Variants in TENT4B observed in about 807,000 individuals in gnomAD.
TENT4B encodes PAP associated domain containing 5.
A neutral mutation model predicts 75.0 loss-of-function variants in TENT4B; 10 were observed. The observed-to-expected ratio is 0.13, with a 90% CI of 0.08 to 0.23. TENT4B has a LOEUF of 0.23. Among genes scored for constraint, TENT4B ranks in the 10% least tolerant of loss-of-function variants. TENT4B has a pLI of 1.00. For missense variants in TENT4B, 579 were observed against 893.8 expected (o/e 0.65, Z 4.49); for synonymous variants, 350 against 357.7 (o/e 0.98, Z 0.24).
intron 1 of TENT4B, among the ~76,000 whole-genome samples, chr16:50,156,886 C>T (rs1045783910): frequency 1.8e-4 from 28 of 151,798 alleles, no homozygotes; most frequent in African/African-American, 5.8e-4. Context: ...GGTCTTCAAC[C>T]GGCCTCAAGC....
chr16:50,167,886 G>T (rs1260688547), intron 1 of TENT4B, among the ~76,000 whole-genome samples: 3 of 151,954 alleles, frequency 2.0e-5, no homozygotes, highest in African/African-American at 7.2e-5. Context: ...TGAACTCCTG[G>T]GCTCAAGCAA....
At chr16:50,158,082 TATGA>T (rs1293462250) in intron 1 of TENT4B, among the ~76,000 whole-genome samples, 1 of 148,430 alleles carries the variant, frequency 6.7e-6, no homozygotes, top group Non-Finnish European at 1.5e-5. Context: ...TTTATTTAAT[TATGA>T]ATGAATGAAT....
chr16:50,234,300 G>A lies in TENT4B; in HGVS notation c.*4972G>A. ...CAAACAAAAACCTGAATGGTGAGGTGTGGTGGAATTGGGTAGGGGAGGGAA... is the reference window on the plus strand; with the variant it reads ...CAAACAAAAACCTGAATGGTGAGGTATGGTGGAATTGGGTAGGGGAGGGAA... On this transcript the variant is annotated 3_prime_UTR_variant, in exon 12 of 12. Transcript: ENST00000561678. 1.0e-6 allele frequency: 1 copy of A among 985,394 alleles called. No individual in the cohort carries two copies. The highest frequency in any genetic ancestry group is 1.2e-6 in the Non-Finnish European group (1 of 829,954). The allele number at this position is 985,394 out of a possible 1,614,324, so 61.0% of individuals were successfully genotyped here.
At chr16:50,193,811 G>A (rs2030020155) in intron 1 of TENT4B, among the ~76,000 whole-genome samples, 1 of 152,162 alleles carries the variant, frequency 6.6e-6, no homozygotes, top group South Asian at 2.1e-4. Context: ...TCACTGTTTT[G>A]GCAGACCTGT....
chr16:50,229,606 C>T lies in TENT4B; in HGVS notation c.*278C>T, dbSNP rs1204215946. 8.8e-7 allele frequency: 1 copy of T among 1,132,310 alleles called. No homozygotes were observed. Among genetic ancestry groups the T allele is most frequent in the Non-Finnish European group, 1.1e-6 (1 of 926,642 alleles). 70.1% of individuals were successfully genotyped at this position (1,132,310 alleles called of 1,614,324 possible). A position where few individuals can be genotyped will look rare whatever the true frequency, so the allele number is the denominator to read the frequency against. The stretch of plus-strand genomic sequence containing the variant: ...AACAGGGTCATTTTAAGATTTAAAG[C>T]TTGAATGTAAAATAAATATATTTCT... On this transcript the variant is annotated 3_prime_UTR_variant, in exon 12 of 12. Transcript: ENST00000561678.
chr16:50,182,781 T>G (rs1596681445), intron 1 of TENT4B, among the ~76,000 whole-genome samples: 2 of 151,076 alleles, frequency 1.3e-5, no homozygotes, highest in Middle Eastern at 6.8e-3. Context: ...TTCCTCAAAA[T>G]AAGATTGCTG....
chr16:50,154,058 C>T lies in TENT4B; in HGVS notation c.437C>T (p.Pro146Leu), dbSNP rs1286226127. 6.5e-7 allele frequency: 1 copy of T among 1,531,368 alleles called. No homozygotes were observed. Among genetic ancestry groups the T allele is most frequent in the Admixed American group, 2.0e-5 (1 of 50,230 alleles). 94.9% of individuals were successfully genotyped at this position (1,531,368 alleles called of 1,614,324 possible). ...TCCCCGCACCCTTCGGCCGCCGTCC[C>T]CGCCGCCGATCCAGCCGATTCGGCC... ...SSSPHPSAAV[P>L]AADPADSASG... Residue 146 changes from proline to leucine, a missense_variant, in exon 1 of 12, where the codon CCC becomes CTC. Coordinates refer to ENST00000561678, the MANE Select transcript of TENT4B (RefSeq NM_001365324.3).
At chr16:50,153,151 G>GA (rs2037794514), upstream of TENT4B, 2 of 540,234 alleles carry the variant, frequency 3.7e-6, no homozygotes, top group African/African-American at 4.5e-5. Context: ...GCGGCGCAGC[G>GA]GGGGCGGGGC....
rs2032341749 is a variant in TENT4B at position 50,233,042 on chromosome 16, TA to T, written c.*3715del. ...TCTCCTAGTTCATTAAACTTTCAGT[TA>T]TTGGAAAGGCACATTCTCAAAGTAT... On this transcript the variant is annotated 3_prime_UTR_variant, in exon 12 of 12. Coordinates refer to ENST00000561678, the MANE Select transcript of TENT4B (RefSeq NM_001365324.3). The T allele has an allele frequency of 1.0e-6, 1 of 984,906 alleles. No individual in the cohort carries two copies. Among genetic ancestry groups the T allele is most frequent in the African/African-American group, 1.7e-5 (1 of 57,242 alleles). 61.0% of individuals were successfully genotyped at this position (984,906 alleles called of 1,614,324 possible). A position where few individuals can be genotyped will look rare whatever the true frequency, so the allele number is the denominator to read the frequency against.
intron 3 of TENT4B, 112 bp from the exon 4 acceptor site, chr16:50,215,963 C>T (rs2031530771): frequency 7.6e-7 from 1 of 1,316,754 alleles, no homozygotes; most frequent in South Asian, 1.4e-5. Context: ...TCTTCGTTGG[C>T]CAGGGTGGGA....
Position 50,229,396 on chromosome 16 carries a change from T to C in TENT4B, c.*68T>C. The C allele has an allele frequency of 1.3e-6, 2 of 1,516,698 alleles. No homozygotes were observed. Among genetic ancestry groups the C allele is most frequent in the South Asian group, 1.4e-5 (1 of 70,786 alleles). The allele number at this position is 1,516,698 out of a possible 1,614,324, so 94.0% of individuals were successfully genotyped here. A position where few individuals can be genotyped will look rare whatever the true frequency, so the allele number is the denominator to read the frequency against. On this transcript the variant is annotated 3_prime_UTR_variant, in exon 12 of 12. Coordinates refer to ENST00000561678, the MANE Select transcript of TENT4B (RefSeq NM_001365324.3). Reference sequence around the variant, plus strand: ...ATGCTCAGGACAGTTGCGCAGGGACTCCTGGGAGATATTCAGGAGCCTCAC... The same window carrying C: ...ATGCTCAGGACAGTTGCGCAGGGACCCCTGGGAGATATTCAGGAGCCTCAC...
chr16:50,158,307 G>A (rs868801212), intron 1 of TENT4B, among the ~76,000 whole-genome samples: 2 of 151,238 alleles, frequency 1.3e-5, no homozygotes, highest in East Asian at 2.0e-4. Flanking sequence ...GACTGGTTTC[G>A]AACTTCTGAC....
chr16:50,186,504 G>C (rs2038530450), intron 1 of TENT4B, among the ~76,000 whole-genome samples: 2 of 152,048 alleles, frequency 1.3e-5, no homozygotes, highest in Non-Finnish European at 2.9e-5. Context: ...CATTTGAATT[G>C]TTTCCCCCTT....
chr16:50,200,443 G>GAAAAGAA (rs971581767), intron 1 of TENT4B, among the ~76,000 whole-genome samples: 1 of 151,694 alleles, frequency 6.6e-6, no homozygotes, highest in Non-Finnish European at 1.5e-5. Flanking sequence ...AAATAGAAGA[G>GAAAAGAA]AAAAGAAAAA....
chr16:50,174,129 G>T lies in TENT4B; in HGVS notation c.638+19870G>T, dbSNP rs561047943. On this transcript the variant is annotated intron_variant, in intron 1 of 11. Transcript: ENST00000561678. ...TTTGCTTTTTTTGAGACAGAGTCTT[G>T]CTCTGTCGCCCAGTCTGGAATGCAG... Among the ~76,000 whole-genome samples, 43 of 152,144 alleles carry T rather than the reference G, an allele frequency of 2.8e-4. 1 individual carries two copies. In the South Asian group the frequency reaches 7.7e-3, roughly 27 times the overall value.
chr16:50,153,597 C>CG lies in TENT4B; in HGVS notation c.-20dup. ...CGGCCCTGCGGGCGGCCGGGAGGGG[C>CG]GGGGGCAGCGGCCGCCGCCGTTTGA... is the stretch of plus-strand genomic sequence containing the variant. On this transcript the variant is annotated 5_prime_UTR_variant, in exon 1 of 12. Coordinates refer to ENST00000561678, the MANE Select transcript of TENT4B (RefSeq NM_001365324.3). 1 of 981,758 alleles carries CG rather than the reference C, an allele frequency of 1.0e-6. No homozygotes were observed. Among genetic ancestry groups the CG allele is most frequent in the Admixed American group, 6.8e-5 (1 of 14,812 alleles). 60.8% of individuals were successfully genotyped at this position (981,758 alleles called of 1,614,324 possible). A position where few individuals can be genotyped will look rare whatever the true frequency, so the allele number is the denominator to read the frequency against.
Position 50,229,514 on chromosome 16 carries a change from A to C in TENT4B, c.*186A>C. 8.0e-7 allele frequency: 1 copy of C among 1,248,826 alleles called. No individual in the cohort carries two copies. The allele number at this position is 1,248,826 out of a possible 1,614,324, so 77.4% of individuals were successfully genotyped here. ...GACAACTGCAAAAAAAACAAAACAAAACAAAAAAAAAAGCAAGCAAAAAAG... is the reference window on the plus strand; with the variant it reads ...GACAACTGCAAAAAAAACAAAACAACACAAAAAAAAAAGCAAGCAAAAAAG... On this transcript the variant is annotated 3_prime_UTR_variant, in exon 12 of 12. Coordinates refer to ENST00000561678, the MANE Select transcript of TENT4B (RefSeq NM_001365324.3).
chr16:50,234,092 A>C lies in TENT4B; in HGVS notation c.*4764A>C. The C allele has an allele frequency of 1.0e-6, 1 of 985,376 alleles. No individual in the cohort carries two copies. The highest frequency in any genetic ancestry group is 1.2e-6 in the Non-Finnish European group (1 of 829,920). The allele number at this position is 985,376 out of a possible 1,614,324, so 61.0% of individuals were successfully genotyped here. A position where few individuals can be genotyped will look rare whatever the true frequency, so the allele number is the denominator to read the frequency against. On this transcript the variant is annotated 3_prime_UTR_variant, in exon 12 of 12. Coordinates refer to ENST00000561678, the MANE Select transcript of TENT4B (RefSeq NM_001365324.3). ...GGACAGTCTGGACGTATTTTGGGGG[A>C]ATGTTATTTATCTTAAAGATGCCTA...
intron 1 of TENT4B, among the ~76,000 whole-genome samples, chr16:50,159,644 A>AGG (rs1280605717): frequency 1.3e-5 from 2 of 152,174 alleles, no homozygotes; most frequent in Non-Finnish European, 2.9e-5. Context: ...AAGAATTTAG[A>AGG]GGCCTTTTTC....
Sources: gnomAD v4.1 joint callset for allele counts (sites outside exome capture counted in the v4.1 genomes callset) on GRCh38, gnomAD v4.1.1 for gene constraint, MANE v1.5 for transcripts, NCBI Gene and HGNC (gene_info 2026-07-23, HGNC 2026-07-21) for gene names.